The following NOX5 variants were observed in gnomAD, a reference collection of about 807,000 sequenced individuals.
The protein encoded by NOX5 is NADPH oxidase 5, also known as NADPH oxidase, EF-hand calcium binding domain 5.
Under a neutral mutation model 85.7 loss-of-function variants are expected in NOX5, and 76 were observed. That is an observed-to-expected ratio of 0.89 (90% CI 0.74 to 1.07). The LOEUF is 1.07. Ranked by LOEUF, NOX5 falls within the 50% of genes least tolerant of loss-of-function variation. The probability of loss-of-function intolerance (pLI) is 0.00; values close to 1 mark genes in which losing one functional copy is unlikely to be tolerated. For missense variants in NOX5, 973 were observed against 999.5 expected (o/e 0.97, Z 0.36); for synonymous variants, 405 against 401.4 (o/e 1.01, Z -0.11).
chr15:69,033,409 C>G, intron 5 of NOX5, 132 bp downstream of exon 5: 7 of 1,029,764 alleles, frequency 6.8e-6, no homozygotes, highest in Non-Finnish European at 9.7e-6. Flanking sequence ...TCAGCTGGGC[C>G]AACGCTCAGA....
chr15:69,014,841 A>G (rs2050212437), intron 1 of NOX5, 56 bp downstream of exon 1: 1 of 1,313,150 alleles, frequency 7.6e-7, no homozygotes, highest in Non-Finnish European at 1.1e-6. Context: ...AGGTGGGATT[A>G]TTTGCCTTTG....
intron 3 of NOX5, chr15:69,028,968 A>AT (rs1177112765): frequency 1.3e-5 from 2 of 152,118 alleles, no homozygotes; most frequent in African/African-American, 4.8e-5. Flanking sequence ...TTACAGTGTC[A>AT]TTTTTATTGT....
intron 10 of NOX5, chr15:69,046,426 GA>G (rs759040627): frequency 2.3e-5 from 4 of 170,408 alleles, no homozygotes; most frequent in Non-Finnish European, 5.0e-5. Context: ...CAGGCAGAGG[GA>G]AAAGAATATT....
chr15:69,056,628 G>A lies in NOX5; in HGVS notation c.2230G>A (p.Ala744Thr). 1 of 1,613,824 alleles carries A rather than the reference G, an allele frequency of 6.2e-7. No homozygotes were observed. The highest frequency in any genetic ancestry group is 8.5e-7 in the Non-Finnish European group (1 of 1,180,020). ...GCAGGTCTTCTTCTGTGGCTCCCCA[G>A]CTCTGGCCAAGGTGCTGAAGGGCCA... Reference protein sequence around the residue: ...KVQVFFCGSPALAKVLKGHCE... With the variant: ...KVQVFFCGSPTLAKVLKGHCE... The change falls in exon 16 of 16, where the codon GCT (alanine) becomes ACT (threonine). Residue 744 changes from alanine (A) to threonine (T), a missense_variant. Coordinates refer to ENST00000388866, the MANE Select transcript of NOX5 (RefSeq NM_024505.4).
chr15:69,052,109 T>C (rs1421241494), intron 14 of NOX5, among the ~76,000 whole-genome samples: 1 of 152,034 alleles, frequency 6.6e-6, no homozygotes, highest in Non-Finnish European at 1.5e-5. Context: ...CCCTAGCTAC[T>C]TGGGAGGCTG....
rs965941681 is a variant in NOX5, at chr15:69,053,364, G to A, written c.2000-1970G>A. Among the ~76,000 whole-genome samples, 4 of 152,190 alleles carry A rather than the reference G, an allele frequency of 2.6e-5. 1 individual carries two copies. The South Asian group carries it at 8.3e-4, about 31-fold the overall frequency. ...CAGAACACATAGAACAGTGACTGGA[G>A]CTTAATAAACTGCTTGATAAATTTA... On this transcript the variant is annotated intron_variant, in intron 14 of 15. Coordinates refer to ENST00000388866, the MANE Select transcript of NOX5 (RefSeq NM_024505.4).
chr15:69,017,656 T>C (rs747953911), intron 1 of NOX5, among the ~76,000 whole-genome samples: 2 of 152,046 alleles, frequency 1.3e-5, no homozygotes, highest in Non-Finnish European at 2.9e-5. Context: ...CCAACAGCCT[T>C]GGGTATATGT....
At chr15:69,040,191 C>T (rs139423090) in intron 9 of NOX5, among the ~76,000 whole-genome samples, 2 of 152,368 alleles carry the variant, frequency 1.3e-5, no homozygotes, top group Non-Finnish European at 2.9e-5. Context: ...CTGAATTGTG[C>T]CCTCAATGTA....
chr15:69,057,072 G>C lies in NOX5; in HGVS notation c.*376G>C. The C allele has an allele frequency of 5.6e-6, 1 of 178,828 alleles. No individual in the cohort carries two copies. Among genetic ancestry groups the C allele is most frequent in the Non-Finnish European group, 1.2e-5 (1 of 83,416 alleles). 11.1% of individuals were successfully genotyped at this position (178,828 alleles called of 1,614,324 possible). A position where few individuals can be genotyped will look rare whatever the true frequency, so the allele number is the denominator to read the frequency against. On this transcript the variant is annotated 3_prime_UTR_variant, in exon 16 of 16. Transcript: ENST00000388866. ...GTCCCAAACCTGCCCAATCATCACA[G>C]TCATTTGGAAGCTTATTTCTCCGGC...
At chr15:69,015,186 T>G (rs1001658620) in intron 1 of NOX5, among the ~76,000 whole-genome samples, 1 of 152,206 alleles carries the variant, frequency 6.6e-6, no homozygotes, top group Admixed American at 6.5e-5. Flanking sequence ...TTCTGGCCTC[T>G]GGTGAGCACA....
At chr15:69,018,541 C>T (rs938798039) in intron 1 of NOX5, among the ~76,000 whole-genome samples, 1 of 148,184 alleles carries the variant, frequency 6.7e-6, no homozygotes, top group Non-Finnish European at 1.5e-5. Flanking sequence ...CCCACCCCCA[C>T]CCCCACAAGA....
Position 69,031,559 on chromosome 15 carries a change from G to T in NOX5, c.367G>T (p.Ala123Ser). 5 of 1,612,146 alleles carry T rather than the reference G, an allele frequency of 3.1e-6. No individual in the cohort carries two copies. The highest frequency in any genetic ancestry group is 4.2e-6 in the Non-Finnish European group (5 of 1,179,976). ...GGCGTCTGCAGGTACAGAGTGGGGT[G>T]CTGGGGCAGGCCCGCACTGGGCTTC... is the stretch of plus-strand genomic sequence containing the variant. ...QGASAGTEWGAGAGPHWASSP... is the reference protein window; with the variant it reads ...QGASAGTEWGSGAGPHWASSP... Residue 123 changes from alanine (A) to serine (S), a missense_variant, in exon 4 of 16, where the codon GCT becomes TCT. By Grantham distance (99) the Ala-to-Ser change is moderately conservative. Coordinates refer to ENST00000388866, the MANE Select transcript of NOX5 (RefSeq NM_024505.4).
intron 1 of NOX5, among the ~76,000 whole-genome samples, 156 bp from the exon 2 acceptor site, chr15:69,026,372 G>A (rs2050357953): frequency 6.6e-6 from 1 of 152,154 alleles, no homozygotes; most frequent in Non-Finnish European, 1.5e-5. Context: ...AACGGCTGTG[G>A]GAAGCTCCAA....
intron 6 of NOX5, 78 bp from the exon 7 acceptor site, chr15:69,035,680 G>T: frequency 6.3e-7 from 1 of 1,578,294 alleles, no homozygotes; most frequent in Non-Finnish European, 8.6e-7. Context: ...TGATGGTGCA[G>T]GGTGGGGATC....
intron 1 of NOX5, chr15:69,022,298 G>A (rs1183090774): frequency 1.1e-5 from 2 of 182,792 alleles, no homozygotes; most frequent in Admixed American, 1.1e-4. Flanking sequence ...TACCCAAGGT[G>A]ACCTCAAAGA....
intron 1 of NOX5, among the ~76,000 whole-genome samples, chr15:69,017,855 C>T (rs2050249879): frequency 6.6e-6 from 1 of 151,900 alleles, no homozygotes; most frequent in Non-Finnish European, 1.5e-5. Flanking sequence ...ATAAAGAGGT[C>T]AAACAGAGAA....
intron 2 of NOX5, among the ~76,000 whole-genome samples, chr15:69,027,487 T>TA (rs1212114746): frequency 6.6e-6 from 1 of 152,118 alleles, no homozygotes; most frequent in Non-Finnish European, 1.5e-5. Context: ...CTCATACTTG[T>TA]GAACCCCTCA....
At chr15:69,019,041 T>G (rs1221136725) in intron 1 of NOX5, among the ~76,000 whole-genome samples, 8 of 152,162 alleles carry the variant, frequency 5.3e-5, no homozygotes, top group Non-Finnish European at 1.2e-4. Context: ...TTTTTAAATT[T>G]TTGTAGAGAT....
chr15:69,025,788 G>C (rs1191843365), intron 1 of NOX5, among the ~76,000 whole-genome samples: 1 of 152,148 alleles, frequency 6.6e-6, no homozygotes, highest in East Asian at 1.9e-4. Flanking sequence ...TAATGCTAGG[G>C]AAGTGTCCTA....
Sources: allele counts gnomAD v4.1 joint callset (sites outside exome capture counted in the v4.1 genomes callset), GRCh38; gene constraint gnomAD v4.1.1; transcripts MANE v1.5; gene names NCBI Gene and HGNC (gene_info 2026-07-23, HGNC 2026-07-21).